Variants in NRG3 observed in about 807,000 individuals in gnomAD.
NRG3 encodes the protein pro-neuregulin-3, membrane-bound isoform.
Under a neutral mutation model 66.9 loss-of-function variants are expected in NRG3, and 31 were observed. That is an observed-to-expected ratio of 0.46 (90% CI 0.35 to 0.63). The LOEUF (loss-of-function observed/expected upper bound fraction) is 0.63. Among genes scored for constraint, NRG3 ranks in the 20% least tolerant of loss-of-function variants. The probability of loss-of-function intolerance (pLI) is 0.00; values close to 1 mark genes in which losing one functional copy is unlikely to be tolerated. For synonymous variants in NRG3, 393 were observed against 359.4 expected, an observed-to-expected ratio of 1.09 and a Z score of -1.06; for missense variants, 910 against 878.9, an observed-to-expected ratio of 1.04 and a Z score of -0.45.
intron 2 of NRG3, among the ~76,000 whole-genome samples, chr10:82,525,815 T>C (rs1314629098): frequency 6.6e-6 from 1 of 151,860 alleles, no homozygotes; most frequent in East Asian, 1.9e-4. Context: ...AAATAAAAGG[T>C]GAATTGAGAA....
At chr10:82,154,206 C>T (rs61391770) in intron 1 of NRG3, among the ~76,000 whole-genome samples, 9,860 of 151,818 alleles carry the variant, frequency 0.065, 1,088 homozygotes, top group African/African-American at 0.22. Context: ...AAATTTCAGG[C>T]CTTATATTTA....
chr10:82,060,189 C>G (rs1436833553), intron 1 of NRG3, among the ~76,000 whole-genome samples: 1 of 152,192 alleles, frequency 6.6e-6, no homozygotes, highest in Non-Finnish European at 1.5e-5. Flanking sequence ...TAGTCACTTA[C>G]GTGTCTGTAT....
intron 1 of NRG3, among the ~76,000 whole-genome samples, chr10:82,266,984 G>A (rs548264594): frequency 6.6e-6 from 1 of 152,276 alleles, no homozygotes; most frequent in Non-Finnish European, 1.5e-5. Flanking sequence ...GAATCACCTG[G>A]AATGTCCAAA....
chr10:82,815,833 A>T (rs1323952576), intron 3 of NRG3, among the ~76,000 whole-genome samples: 1 of 152,128 alleles, frequency 6.6e-6, no homozygotes, highest in Non-Finnish European at 1.5e-5. Context: ...GGGGTGCAGC[A>T]GTGAGGGGTG....
At chr10:82,912,933 A>G (rs1477853392) in intron 4 of NRG3, among the ~76,000 whole-genome samples, 3 of 152,332 alleles carry the variant, frequency 2.0e-5, no homozygotes, top group Non-Finnish European at 4.4e-5. Flanking sequence ...TAACTTATAA[A>G]AAGTACTTCC....
At chr10:82,886,350 G>A (rs1026066307) in intron 4 of NRG3, among the ~76,000 whole-genome samples, 6 of 152,072 alleles carry the variant, frequency 3.9e-5, no homozygotes, top group Non-Finnish European at 7.4e-5. Context: ...ACCCTCACTA[G>A]CAGTACCTCG....
chr10:82,100,168 G>A (rs2066640371), intron 1 of NRG3, among the ~76,000 whole-genome samples: 1 of 151,928 alleles, frequency 6.6e-6, no homozygotes, highest in Admixed American at 6.6e-5. Context: ...AATAGTAAAT[G>A]TTGCTTATCT....
intron 2 of NRG3, among the ~76,000 whole-genome samples, chr10:82,446,881 G>A (rs76647214): frequency 0.039 from 5,977 of 152,202 alleles, 125 homozygotes; most frequent in South Asian, 0.049. Context: ...GTTCTGAATT[G>A]GAAATCGTAT....
chr10:82,918,201 G>A (rs1200999473), intron 4 of NRG3, among the ~76,000 whole-genome samples: 1 of 151,886 alleles, frequency 6.6e-6, no homozygotes, highest in African/African-American at 2.4e-5. Context: ...TCAAGAGCAG[G>A]TTTCATAAAT....
chr10:82,757,760 T>C (rs1201224852), intron 3 of NRG3, among the ~76,000 whole-genome samples: 1 of 152,080 alleles, frequency 6.6e-6, no homozygotes, highest in East Asian at 1.9e-4. Flanking sequence ...GAAAGTCTGC[T>C]AGAAGGAGAG....
At chr10:82,529,635 T>C (rs763855474) in intron 2 of NRG3, among the ~76,000 whole-genome samples, 2 of 152,172 alleles carry the variant, frequency 1.3e-5, no homozygotes, top group Admixed American at 6.5e-5. Context: ...ATGATAAACA[T>C]GTACTTGAGC....
At chr10:81,877,807 GTTTAGAGCCTCCACTCAAC>G in intron 1 of NRG3, 1 of 1,408,900 alleles carries the variant, frequency 7.1e-7, no homozygotes, top group Non-Finnish European at 9.2e-7. Flanking sequence ...CCCAGGAGGT[GTTTAGAGCCTCCACTCAAC>G]AAATCTAGCT....
intron 1 of NRG3, among the ~76,000 whole-genome samples, chr10:82,337,072 G>T: frequency 6.6e-6 from 1 of 152,010 alleles, no homozygotes; most frequent in East Asian, 1.9e-4. Flanking sequence ...CTTAACTACT[G>T]AGCCATATTT....
chr10:82,662,955 G>GAAAAAGAC (rs1489950918), intron 2 of NRG3, among the ~76,000 whole-genome samples: 1 of 152,128 alleles, frequency 6.6e-6, no homozygotes, highest in Non-Finnish European at 1.5e-5. Flanking sequence ...GTAGGAAGAA[G>GAAAAAGAC]AAAAAGACAA....
intron 1 of NRG3, among the ~76,000 whole-genome samples, chr10:81,883,327 T>C (rs1006887279): frequency 6.6e-6 from 1 of 152,212 alleles, no homozygotes; most frequent in African/African-American, 2.4e-5. Context: ...TCCTGAATTA[T>C]ATCTTAAAGT....
intron 2 of NRG3, among the ~76,000 whole-genome samples, chr10:82,694,016 A>ATTTTACAGAGTGCTGATTGGTGCAT (rs1565209715): frequency 6.6e-6 from 1 of 152,008 alleles, no homozygotes; most frequent in Non-Finnish European, 1.5e-5. Context: ...TGATTAGTCC[A>ATTTTACAGAGTGCTGATTGGTGCAT]TTTTACAGAG....
chr10:81,998,300 A>G (rs2061023110), intron 1 of NRG3, among the ~76,000 whole-genome samples: 1 of 152,184 alleles, frequency 6.6e-6, no homozygotes, highest in African/African-American at 2.4e-5. Flanking sequence ...ATCAGATCTA[A>G]TGTTGGATAG....
At chr10:82,323,815 T>G (rs1388359610) in intron 1 of NRG3, among the ~76,000 whole-genome samples, 1 of 152,146 alleles carries the variant, frequency 6.6e-6, no homozygotes, top group Non-Finnish European at 1.5e-5. Flanking sequence ...AAAATTCCAG[T>G]TATCTATTTT....
chr10:82,852,807 A>G (rs2063626357), intron 3 of NRG3, among the ~76,000 whole-genome samples: 1 of 152,214 alleles, frequency 6.6e-6, no homozygotes, highest in Non-Finnish European at 1.5e-5. Flanking sequence ...CCAGTCAAAT[A>G]TCTTGAAAAT....
Sources: allele counts gnomAD v4.1 joint callset (sites outside exome capture counted in the v4.1 genomes callset), GRCh38; gene constraint gnomAD v4.1.1; transcripts MANE v1.5; gene names NCBI Gene and HGNC (gene_info 2026-07-23, HGNC 2026-07-21).